The following PAPPA2 variants were observed in gnomAD, a reference collection of about 807,000 sequenced individuals.
The protein encoded by PAPPA2 is pappalysin-2.
Under a neutral mutation model 176.4 loss-of-function variants are expected in PAPPA2, and 86 were observed. That is an observed-to-expected ratio of 0.49 (90% CI 0.41 to 0.58). The LOEUF (loss-of-function observed/expected upper bound fraction) is 0.58, where lower values mean the gene tolerates loss of function less well. Among genes scored for constraint, PAPPA2 ranks in the 20% least tolerant of loss-of-function variants. The pLI is 0.00. For synonymous variants in PAPPA2, 809 were observed against 852.2 expected (o/e 0.95, Z 0.88); for missense variants, 2,073 against 2,256.9 (o/e 0.92, Z 1.65).
chr1:176,543,379 C>T (rs1262232010), intron 1 of PAPPA2, among the ~76,000 whole-genome samples: 2 of 152,150 alleles, frequency 1.3e-5, no homozygotes, highest in Non-Finnish European at 2.9e-5. Flanking sequence ...GAGCCCCCAC[C>T]TGGAGTTTAC....
chr1:176,684,667 C>G (rs1180597107), intron 4 of PAPPA2, among the ~76,000 whole-genome samples: 2 of 152,058 alleles, frequency 1.3e-5, no homozygotes, highest in African/African-American at 4.8e-5. Context: ...ATCATATTCC[C>G]CATAACTAGA....
At chr1:176,654,502 T>C (rs1233908981) in intron 3 of PAPPA2, among the ~76,000 whole-genome samples, 1 of 150,214 alleles carries the variant, frequency 6.7e-6, no homozygotes, top group African/African-American at 2.4e-5. Flanking sequence ...GTAGTATAAT[T>C]TTAAGTCAGG....
At chr1:176,778,364 T>G (rs936682634) in intron 17 of PAPPA2, among the ~76,000 whole-genome samples, 5 of 152,064 alleles carry the variant, frequency 3.3e-5, no homozygotes, top group Non-Finnish European at 7.4e-5. Flanking sequence ...TTTAAAAAAT[T>G]AGGATGAGCA....
chr1:176,593,488 A>G (rs1291574663), intron 2 of PAPPA2, among the ~76,000 whole-genome samples: 19 of 152,204 alleles, frequency 1.2e-4, no homozygotes, highest in Admixed American at 1.0e-3. Flanking sequence ...AGTAAAAGCT[A>G]TTCCTGAGAG....
At chr1:176,681,678 C>T (rs1659592087) in intron 4 of PAPPA2, among the ~76,000 whole-genome samples, 1 of 152,150 alleles carries the variant, frequency 6.6e-6, no homozygotes, top group Admixed American at 6.5e-5. Context: ...CTGGTTGTGC[C>T]TTCAGCCTCA....
chr1:176,674,080 A>G (rs995863986), intron 4 of PAPPA2, among the ~76,000 whole-genome samples: 2 of 152,032 alleles, frequency 1.3e-5, no homozygotes, highest in Non-Finnish European at 1.5e-5. Context: ...AAGAAAACAC[A>G]TAGAAAATAA....
rs1416092537 is a variant in PAPPA2 at position 176,616,308 on chromosome 1, T to C, written c.1991+20713T>C. The C allele has an allele frequency of 2.6e-5, 14 of 538,268 alleles. No homozygotes were observed. The Admixed American group carries it at 2.8e-4, about 11-fold the overall frequency. The allele number at this position is 538,268 out of a possible 1,614,324, so 33.3% of individuals were successfully genotyped here. ...GTTGTTTATATGACTATTGGAATCT[T>C]TGAAGCGCAGCCGCATTTTAGGATG... On this transcript the variant is annotated intron_variant, in intron 3 of 22. Coordinates refer to ENST00000367662, the MANE Select transcript of PAPPA2 (RefSeq NM_020318.3).
chr1:176,822,865 G>A (rs1216587111), intron 21 of PAPPA2, among the ~76,000 whole-genome samples: 1 of 151,952 alleles, frequency 6.6e-6, no homozygotes, highest in Non-Finnish European at 1.5e-5. Flanking sequence ...TTATATTCCC[G>A]GTCAATTCTA....
At chr1:176,822,036 C>G (rs1262255489) in intron 21 of PAPPA2, among the ~76,000 whole-genome samples, 3 of 152,190 alleles carry the variant, frequency 2.0e-5, no homozygotes, top group Admixed American at 2.0e-4. Flanking sequence ...ACTAAAATCA[C>G]AAGCTCCCTG....
chr1:176,495,409 G>C (rs185471151), intron 1 of PAPPA2, among the ~76,000 whole-genome samples: 19 of 151,828 alleles, frequency 1.3e-4, no homozygotes, highest in African/African-American at 4.4e-4. Flanking sequence ...ACATGGTGGC[G>C]CATGCCTCTA....
chr1:176,566,553 A>G (rs1460236602), intron 2 of PAPPA2, among the ~76,000 whole-genome samples: 1 of 152,152 alleles, frequency 6.6e-6, no homozygotes, highest in East Asian at 1.9e-4. Context: ...TTCTCAGACC[A>G]CAGGAATGAG....
intron 1 of PAPPA2, among the ~76,000 whole-genome samples, chr1:176,545,007 C>T (rs181402771): frequency 6.6e-6 from 1 of 152,302 alleles, no homozygotes; most frequent in African/African-American, 2.4e-5. Context: ...GTTCAACAGC[C>T]TGAAAGCTAA....
At chr1:176,704,056 G>C (rs544638960) in intron 9 of PAPPA2, among the ~76,000 whole-genome samples, 1 of 152,246 alleles carries the variant, frequency 6.6e-6, no homozygotes, top group Admixed American at 6.5e-5. Context: ...CTCTGTCCTA[G>C]TGTCTTCCAA....
chr1:176,595,731 G>C (rs1384098582), intron 3 of PAPPA2, 136 bp downstream of exon 3: 5 of 889,052 alleles, frequency 5.6e-6, no homozygotes, highest in Non-Finnish European at 8.3e-6. Flanking sequence ...ACAGTATTAA[G>C]CTTTTGTGAA....
chr1:176,764,128 C>A (rs1663822317), intron 14 of PAPPA2, among the ~76,000 whole-genome samples: 1 of 152,184 alleles, frequency 6.6e-6, no homozygotes, highest in South Asian at 2.1e-4. Flanking sequence ...ACAAGAACAG[C>A]ACTAAGCCAT....
At chr1:176,741,071 T>C (rs1662658460) in intron 14 of PAPPA2, among the ~76,000 whole-genome samples, 1 of 152,088 alleles carries the variant, frequency 6.6e-6, no homozygotes, top group African/African-American at 2.4e-5. Context: ...AGTACTGGTG[T>C]ACTATGTTAG....
At chr1:176,827,200 A>G (rs929947205) in intron 21 of PAPPA2, among the ~76,000 whole-genome samples, 2 of 152,108 alleles carry the variant, frequency 1.3e-5, no homozygotes, top group African/African-American at 4.8e-5. Context: ...TGGCCCTTCC[A>G]GTTGTCTTCT....
intron 22 of PAPPA2, 88 bp from the exon 23 acceptor site, chr1:176,842,291 TG>T: frequency 8.2e-7 from 1 of 1,220,918 alleles, no homozygotes; most frequent in Non-Finnish European, 1.2e-6. Context: ...ACAGTTCCTC[TG>T]GGACCAAGTG....
intron 17 of PAPPA2, among the ~76,000 whole-genome samples, chr1:176,773,408 A>G (rs1294944065): frequency 6.6e-6 from 1 of 152,194 alleles, no homozygotes; most frequent in African/African-American, 2.4e-5. Flanking sequence ...TTTCTATGAT[A>G]TGCAAGCACA....
Sources: allele counts gnomAD v4.1 joint callset (sites outside exome capture counted in the v4.1 genomes callset), GRCh38; gene constraint gnomAD v4.1.1; transcripts MANE v1.5; gene names NCBI Gene and HGNC (gene_info 2026-07-23, HGNC 2026-07-21).